FOXJ3: variants seen among roughly 807,000 people sequenced by gnomAD.
The protein encoded by FOXJ3 is forkhead box J3, also known as forkhead box protein J3.
In FOXJ3, 22 loss-of-function variants were observed where a neutral mutation model predicts 76.1. The observed-to-expected ratio is 0.29, with a 90% CI of 0.21 to 0.41. FOXJ3 has a LOEUF of 0.41. Ranked by LOEUF, FOXJ3 falls within the 10% of genes least tolerant of loss-of-function variation. FOXJ3 has a pLI of 1.00. For missense variants in FOXJ3, 613 were observed against 762.1 expected (o/e 0.80, Z 2.30); for synonymous variants, 269 against 261.2 (o/e 1.03, Z -0.29).
intron 4 of FOXJ3, among the ~76,000 whole-genome samples, chr1:42,238,686 G>A (rs1017250998): frequency 1.3e-4 from 20 of 152,024 alleles, no homozygotes; most frequent in African/African-American, 2.9e-4. Flanking sequence ...AGCCTCCCAC[G>A]TAGCTGGGAA....
Position 42,230,642 on chromosome 1 carries a change from C to T in FOXJ3, c.445-2676G>A, listed in dbSNP as rs146081655. Among the ~76,000 whole-genome samples, 8 of 152,232 alleles carry T rather than the reference C, an allele frequency of 5.3e-5. No homozygotes were observed. In the South Asian group the frequency reaches 8.3e-4, roughly 16 times the overall value. On this transcript the variant is annotated intron_variant, in intron 4 of 12. Transcript: ENST00000361346. ...TTTTCCACTAGTGGCATCATGTTGG[C>T]GCTCAACAAGTTTTGGATTTTATAG...
At chr1:42,301,990 G>C (rs779437383) in intron 2 of FOXJ3, among the ~76,000 whole-genome samples, 3 of 152,024 alleles carry the variant, frequency 2.0e-5, no homozygotes, top group Non-Finnish European at 4.4e-5. Flanking sequence ...CCCTTCAGAA[G>C]GTGTCTATAA....
chr1:42,181,812 GACACAC>G (rs112821227), intron 12 of FOXJ3, 99 bp downstream of exon 12: 2 of 611,556 alleles, frequency 3.3e-6, no homozygotes, highest in Non-Finnish European at 5.5e-6. Context: ...GGTAATAACT[GACACAC>G]ACACACACAC....
upstream of FOXJ3, chr1:42,335,626 C>G (rs926032246): frequency 9.9e-5 from 15 of 152,200 alleles, no homozygotes; most frequent in Admixed American, 8.5e-4. Flanking sequence ...GCCACCTCAC[C>G]GAAGCGCCCG....
chr1:42,278,325 A>G (rs1394084007), intron 3 of FOXJ3, 23 bp downstream of exon 3: 5 of 1,476,100 alleles, frequency 3.4e-6, no homozygotes, highest in Non-Finnish European at 9.4e-7. Context: ...TCATAAAAGT[A>G]ATAATTTAAA....
chr1:42,324,576 T>C (rs983578777), intron 1 of FOXJ3, among the ~76,000 whole-genome samples: 3 of 151,944 alleles, frequency 2.0e-5, no homozygotes, highest in Non-Finnish European at 4.4e-5. Context: ...TGTACAAACG[T>C]CAGAGTGTAC....
intron 5 of FOXJ3, among the ~76,000 whole-genome samples, chr1:42,216,422 G>A (rs1647068760): frequency 6.6e-6 from 1 of 151,732 alleles, no homozygotes; most frequent in African/African-American, 2.4e-5. Context: ...GGAGGCTGAG[G>A]CAGGAGAATG....
chr1:42,194,424 G>A (rs1386995269), intron 8 of FOXJ3, among the ~76,000 whole-genome samples: 1 of 152,168 alleles, frequency 6.6e-6, no homozygotes, highest in African/African-American at 2.4e-5. Context: ...TTTACTAGTA[G>A]CTGATGTATT....
chr1:42,258,039 T>C (rs912353980), intron 4 of FOXJ3, among the ~76,000 whole-genome samples: 3 of 152,192 alleles, frequency 2.0e-5, no homozygotes, highest in African/African-American at 7.2e-5. Context: ...CTGTCATAAA[T>C]AGCTAAACAT....
At chr1:42,266,618 C>T (rs1413285109) in intron 3 of FOXJ3, among the ~76,000 whole-genome samples, 1 of 152,168 alleles carries the variant, frequency 6.6e-6, no homozygotes, top group Non-Finnish European at 1.5e-5. Flanking sequence ...GAAGTTCCCA[C>T]ACACTCTTAA....
chr1:42,323,062 G>T (rs375155780), intron 1 of FOXJ3, among the ~76,000 whole-genome samples: 1 of 152,092 alleles, frequency 6.6e-6, no homozygotes, highest in African/African-American at 2.4e-5. Context: ...AAACTAGTGA[G>T]GGATCAGAAA....
At chr1:42,217,837 A>G (rs1390680218) in intron 5 of FOXJ3, among the ~76,000 whole-genome samples, 1 of 152,156 alleles carries the variant, frequency 6.6e-6, no homozygotes, top group African/African-American at 2.4e-5. Context: ...CTCAACTTAT[A>G]AACTTTAAAT....
At chr1:42,285,454 C>T (rs1343925121) in intron 2 of FOXJ3, among the ~76,000 whole-genome samples, 1 of 151,444 alleles carries the variant, frequency 6.6e-6, no homozygotes. Flanking sequence ...GCTCTAATTA[C>T]TCGAAGGAGC....
chr1:42,310,100 C>T (rs987115273), intron 2 of FOXJ3, among the ~76,000 whole-genome samples: 6 of 151,312 alleles, frequency 4.0e-5, no homozygotes, highest in African/African-American at 1.5e-4. Flanking sequence ...GCTACAAAGG[C>T]AACCAAATTT....
chr1:42,231,491 T>C (rs1648111051), intron 4 of FOXJ3, among the ~76,000 whole-genome samples: 1 of 152,176 alleles, frequency 6.6e-6, no homozygotes, highest in Non-Finnish European at 1.5e-5. Flanking sequence ...TGTAGGTACT[T>C]ATTGTTTAAT....
At chr1:42,314,300 G>A (rs929085879) in intron 1 of FOXJ3, among the ~76,000 whole-genome samples, 2 of 152,162 alleles carry the variant, frequency 1.3e-5, no homozygotes, top group African/African-American at 4.8e-5. Context: ...GCCCAGGCTG[G>A]AGGGCAATGG....
intron 4 of FOXJ3, among the ~76,000 whole-genome samples, chr1:42,256,167 A>C (rs994314896): frequency 6.6e-6 from 1 of 152,236 alleles, no homozygotes; most frequent in Admixed American, 6.5e-5. Context: ...AATCTTCATG[A>C]CCGTACTTGA....
chr1:42,200,000 T>G (rs1427318113), intron 6 of FOXJ3, among the ~76,000 whole-genome samples: 1 of 85,636 alleles, frequency 1.2e-5, no homozygotes, highest in Non-Finnish European at 2.2e-5. Flanking sequence ...AGCGAGACTC[T>G]GTCTCAAAAA....
chr1:42,227,910 T>A lies in FOXJ3; in HGVS notation c.501A>T (p.Pro167=), dbSNP rs775550532. 1 of 1,579,668 alleles carries A rather than the reference T, an allele frequency of 6.3e-7. No homozygotes were observed. Among genetic ancestry groups the A allele is most frequent in the Non-Finnish European group, 8.7e-7 (1 of 1,155,684 alleles). ...NPKEDVLPTR[P]KKRARSVERA... is the part of the protein sequence containing the mutation. ...GTTCTACAGATCGTGCCCTCTTCTT[T>A]GGCCGAGTAGGCAGCACATCTTCCT... Residue 167 remains proline (P), a synonymous_variant, in exon 5 of 13, where the codon CCA becomes CCT. Coordinates refer to ENST00000361346, the MANE Select transcript of FOXJ3 (RefSeq NM_014947.5).
Sources: gnomAD v4.1 joint callset for allele counts (sites outside exome capture counted in the v4.1 genomes callset) on GRCh38, gnomAD v4.1.1 for gene constraint, MANE v1.5 for transcripts, NCBI Gene and HGNC (gene_info 2026-07-23, HGNC 2026-07-21) for gene names.